NEGR1: variants seen among roughly 807,000 people sequenced by gnomAD.
NEGR1 encodes neuronal growth regulator 1.
Under a neutral mutation model 40.9 loss-of-function variants are expected in NEGR1, and 10 were observed. The observed-to-expected ratio is 0.24, with a 90% confidence interval of 0.15 to 0.42. NEGR1 has a LOEUF of 0.42. Among genes scored for constraint, NEGR1 ranks in the 10% least tolerant of loss-of-function variants. The probability of loss-of-function intolerance (pLI) is 1.00; values close to 1 mark genes in which losing one functional copy is unlikely to be tolerated. For missense variants in NEGR1, 352 were observed against 438.9 expected (o/e 0.80, Z 1.77); for synonymous variants, 185 against 166.8 (o/e 1.11, Z -0.84).
chr1:71,568,569 A>C (rs1334000), intron 6 of NEGR1, among the ~76,000 whole-genome samples: 93,079 of 151,908 alleles, frequency 0.61, 29,047 homozygotes, highest in Middle Eastern at 0.68. Context: ...TGAGTATTGA[A>C]TTTCCAGTGG....
intron 1 of NEGR1, among the ~76,000 whole-genome samples, chr1:72,101,371 C>A (rs557716843): frequency 6.6e-6 from 1 of 152,190 alleles, no homozygotes; most frequent in South Asian, 2.1e-4. Flanking sequence ...CCATAATATA[C>A]TTAACATGAA....
At chr1:72,267,574 C>T (rs1188916007) in intron 1 of NEGR1, among the ~76,000 whole-genome samples, 2 of 151,070 alleles carry the variant, frequency 1.3e-5, no homozygotes, top group Non-Finnish European at 3.0e-5. Flanking sequence ...ATCAACTCAC[C>T]AATTATTGAA....
rs1022458923 is a variant in NEGR1, at chr1:71,981,227, C to T, written c.177-45916G>A. Among the ~76,000 whole-genome samples, 4 of 152,076 alleles carry T rather than the reference C, an allele frequency of 2.6e-5. No homozygotes were observed. The South Asian group carries it at 8.3e-4, about 32-fold the overall frequency. On this transcript the variant is annotated intron_variant, in intron 1 of 6. Coordinates refer to ENST00000357731, the MANE Select transcript of NEGR1 (RefSeq NM_173808.3). ...CTATGATAAATGAGAGTCTCTCATT[C>T]TTTGAGAGTTGGTAGAAAGAAAATA...
At chr1:71,855,012 A>G (rs987655509) in intron 2 of NEGR1, among the ~76,000 whole-genome samples, 4 of 152,110 alleles carry the variant, frequency 2.6e-5, no homozygotes, top group Admixed American at 2.0e-4. Context: ...GGTCAACTAT[A>G]TAAGTCTCTG....
At chr1:72,282,293 T>A (rs758423337) in intron 1 of NEGR1, 26 bp downstream of exon 1, 25 of 1,612,216 alleles carry the variant, frequency 1.6e-5, no homozygotes, top group Non-Finnish European at 8.5e-7. Context: ...CCGAAACAAG[T>A]ACGAAAAGCA....
chr1:72,196,777 A>T (rs1653014624), intron 1 of NEGR1, among the ~76,000 whole-genome samples: 1 of 151,198 alleles, frequency 6.6e-6, no homozygotes, highest in Non-Finnish European at 1.5e-5. Context: ...AAAAAAAAAA[A>T]TCACTACAAG....
intron 6 of NEGR1, among the ~76,000 whole-genome samples, chr1:71,470,298 C>T (rs1646773793): frequency 6.6e-6 from 1 of 152,002 alleles, no homozygotes; most frequent in African/African-American, 2.4e-5. Flanking sequence ...CAAAATGCAA[C>T]CCTTTGTATG....
chr1:72,006,787 C>T (rs1262631985), intron 1 of NEGR1, among the ~76,000 whole-genome samples: 1 of 152,094 alleles, frequency 6.6e-6, no homozygotes, highest in Non-Finnish European at 1.5e-5. Flanking sequence ...AAGCATCTTG[C>T]AAAGACAAGG....
intron 1 of NEGR1, among the ~76,000 whole-genome samples, chr1:72,219,468 G>T (rs949974300): frequency 2.6e-5 from 4 of 151,900 alleles, no homozygotes; most frequent in African/African-American, 9.7e-5. Context: ...TGGCATTTTA[G>T]AACTATTTTA....
At position 71,405,063 on chromosome 1, in the gene NEGR1, A is replaced by G. The variant is rs1194346207; in HGVS notation, c.*2383T>C. The stretch of plus-strand genomic sequence containing the variant: ...TAGTGAATACCTCCTCTATTTAAAA[A>G]TGTCACTCAAGAAAGTCTCTTCTAA... On this transcript the variant is annotated 3_prime_UTR_variant, in exon 7 of 7. Transcript: ENST00000357731. 6.6e-6 allele frequency: 1 copy of G among 152,118 alleles called. No individual in the cohort carries two copies. Among genetic ancestry groups the G allele is most frequent in the African/African-American group, 2.4e-5 (1 of 41,430 alleles). The allele number at this position is 152,118 out of a possible 1,614,324, so 9.4% of individuals were successfully genotyped here. A position where few individuals can be genotyped will look rare whatever the true frequency, so the allele number is the denominator to read the frequency against.
chr1:71,507,963 A>C (rs915546984), intron 6 of NEGR1, among the ~76,000 whole-genome samples: 5 of 152,178 alleles, frequency 3.3e-5, no homozygotes, highest in African/African-American at 1.2e-4. Context: ...TCCCCGCTAA[A>C]GAAGACTTGG....
At chr1:71,962,061 G>A (rs376181293) in intron 1 of NEGR1, among the ~76,000 whole-genome samples, 5 of 152,060 alleles carry the variant, frequency 3.3e-5, no homozygotes, top group Middle Eastern at 6.8e-3. Context: ...TTGACTGTTG[G>A]CAAGTATAAA....
intron 6 of NEGR1, among the ~76,000 whole-genome samples, chr1:71,421,916 CT>C (rs199992043): frequency 0.22 from 31,789 of 143,158 alleles, 4,032 homozygotes; most frequent in East Asian, 0.62. Context: ...CCTTGTTACA[CT>C]TTTTTTTTTT....
rs1313534408 is a variant in NEGR1, at chr1:71,399,380, A to G, written c.*8066T>C. ...TGTTTATCAACAAGAAAAATGTATTACAAGAAATTAATTTATTCCAAATTT... is the reference window on the plus strand; with the variant it reads ...TGTTTATCAACAAGAAAAATGTATTGCAAGAAATTAATTTATTCCAAATTT... On this transcript the variant is annotated 3_prime_UTR_variant, in exon 7 of 7. Coordinates refer to ENST00000357731, the MANE Select transcript of NEGR1 (RefSeq NM_173808.3). 1.3e-5 allele frequency: 2 copies of G among 152,228 alleles called. No homozygotes were observed. Among genetic ancestry groups the G allele is most frequent in the East Asian group, 3.8e-4 (2 of 5,196 alleles). 9.4% of individuals were successfully genotyped at this position (152,228 alleles called of 1,614,324 possible). A position where few individuals can be genotyped will look rare whatever the true frequency, so the allele number is the denominator to read the frequency against.
At chr1:72,166,802 T>A (rs530638456) in intron 1 of NEGR1, among the ~76,000 whole-genome samples, 1 of 152,258 alleles carries the variant, frequency 6.6e-6, no homozygotes, top group Non-Finnish European at 1.5e-5. Flanking sequence ...GACTGCATTA[T>A]TTTAAATTTA....
intron 1 of NEGR1, among the ~76,000 whole-genome samples, chr1:72,026,560 C>A (rs78063562): frequency 0.092 from 13,988 of 151,852 alleles, 882 homozygotes; most frequent in Admixed American, 0.18. Flanking sequence ...CAAAAAAAAC[C>A]CTCATTCCTT....
intron 2 of NEGR1, among the ~76,000 whole-genome samples, chr1:71,852,199 G>A (rs1466667987): frequency 6.6e-6 from 1 of 152,078 alleles, no homozygotes; most frequent in African/African-American, 2.4e-5. Flanking sequence ...ATAAGAGATT[G>A]CACTGGAGAC....
intron 6 of NEGR1, among the ~76,000 whole-genome samples, chr1:71,590,517 C>T (rs1649463312): frequency 6.6e-6 from 1 of 151,930 alleles, no homozygotes; most frequent in Non-Finnish European, 1.5e-5. Context: ...TAGTGCCGTG[C>T]TTTGCCGGGT....
intron 2 of NEGR1, among the ~76,000 whole-genome samples, chr1:71,858,526 C>A (rs1187668055): frequency 2.0e-5 from 3 of 151,942 alleles, no homozygotes; most frequent in African/African-American, 4.8e-5. Flanking sequence ...TGCCAAATTT[C>A]TCAGTGATAA....
Sources: allele counts gnomAD v4.1 joint callset (sites outside exome capture counted in the v4.1 genomes callset), GRCh38; gene constraint gnomAD v4.1.1; transcripts MANE v1.5; gene names NCBI Gene and HGNC (gene_info 2026-07-23, HGNC 2026-07-21).